MAGI3: variants seen among roughly 807,000 people sequenced by gnomAD.
MAGI3 encodes membrane associated guanylate kinase, WW and PDZ domain containing 3.
A neutral mutation model predicts 121.8 loss-of-function variants in MAGI3; 43 were observed. That is an observed-to-expected ratio of 0.35 (90% CI 0.28 to 0.46). MAGI3 has a LOEUF of 0.46. Among genes scored for constraint, MAGI3 ranks in the 20% least tolerant of loss-of-function variants. The probability of loss-of-function intolerance (pLI) is 1.00; values close to 1 mark genes in which losing one functional copy is unlikely to be tolerated. For missense variants in MAGI3, 1,547 were observed against 1,797.3 expected (o/e 0.86, Z 2.52); for synonymous variants, 553 against 639.3 (o/e 0.86, Z 2.04).
At chr1:113,594,671 G>C (rs1423787937) in intron 6 of MAGI3, 111 bp downstream of exon 6, 1 of 726,230 alleles carries the variant, frequency 1.4e-6, no homozygotes, top group South Asian at 3.1e-5. Flanking sequence ...ATGTACACAA[G>C]CAAAAAAGCA....
At chr1:113,461,123 G>C (rs895427680) in intron 1 of MAGI3, among the ~76,000 whole-genome samples, 3 of 152,152 alleles carry the variant, frequency 2.0e-5, no homozygotes, top group African/African-American at 7.2e-5. Flanking sequence ...CTCATGGATA[G>C]GAAGACCCCA....
intron 6 of MAGI3, among the ~76,000 whole-genome samples, chr1:113,606,002 G>A (rs990250781): frequency 1.3e-5 from 2 of 151,448 alleles, no homozygotes; most frequent in African/African-American, 4.9e-5. Context: ...GTCTCTCTCT[G>A]TCACCCAGGT....
intron 1 of MAGI3, among the ~76,000 whole-genome samples, chr1:113,423,889 C>T (rs1394336155): frequency 1.6e-4 from 18 of 109,518 alleles, no homozygotes; most frequent in South Asian, 9.6e-4. Context: ...ACTGAGGTGG[C>T]GGGTGGGGTG....
chr1:113,641,787 G>A (rs1025417392), intron 9 of MAGI3, 124 bp from the exon 10 acceptor site: 1 of 746,742 alleles, frequency 1.3e-6, no homozygotes, highest in African/African-American at 1.8e-5. Context: ...TATCTTTTCA[G>A]CAGTTAATAG....
At chr1:113,653,803 T>C in intron 14 of MAGI3, 27 bp from the exon 15 acceptor site, 1 of 1,566,018 alleles carries the variant, frequency 6.4e-7, no homozygotes, top group Non-Finnish European at 8.6e-7. Context: ...GTTCCAGACA[T>C]ATCAAAACTG....
intron 1 of MAGI3, among the ~76,000 whole-genome samples, chr1:113,443,459 A>G (rs1322902499): frequency 6.6e-6 from 1 of 152,220 alleles, no homozygotes; most frequent in Non-Finnish European, 1.5e-5. Context: ...AGTAAAAATT[A>G]GCAGACGACT....
At chr1:113,428,153 G>A (rs1653109703) in intron 1 of MAGI3, among the ~76,000 whole-genome samples, 2 of 152,074 alleles carry the variant, frequency 1.3e-5, no homozygotes, top group South Asian at 4.1e-4. Flanking sequence ...TTTTAGTGTA[G>A]TTCAACTTGT....
rs754369817 is a variant in MAGI3 at position 113,619,787 on chromosome 1, G to A, written c.1128G>A (p.Arg376=). The change falls in exon 8 of 21, where the codon AGG becomes AGA. Residue 376 remains arginine (R), a synonymous_variant. Transcript: ENST00000307546. ...QFENPVEEAK[R]KKQLGQVEIG... ...AAAATCCAGTGGAGGAAGCCAAAAGGAAAAAGCAGTTAGGACAGGTTGAAA... is the reference window on the plus strand; with the variant it reads ...AAAATCCAGTGGAGGAAGCCAAAAGAAAAAAGCAGTTAGGACAGGTTGAAA... 20 of 1,612,950 alleles carry A rather than the reference G, an allele frequency of 1.2e-5. No individual in the cohort carries two copies. In the South Asian group the frequency reaches 1.3e-4, roughly 11 times the overall value.
chr1:113,491,058 C>A (rs894802366), intron 1 of MAGI3, among the ~76,000 whole-genome samples: 12 of 151,988 alleles, frequency 7.9e-5, no homozygotes, highest in Non-Finnish European at 1.0e-4. Context: ...CTCTCCACCC[C>A]AAAAAAACAG....
At chr1:113,521,499 G>A (rs1177544912) in intron 1 of MAGI3, among the ~76,000 whole-genome samples, 2 of 150,788 alleles carry the variant, frequency 1.3e-5, no homozygotes, top group Admixed American at 6.6e-5. Context: ...TCTGCCTTCC[G>A]GGTTCATGCC....
chr1:113,465,845 T>G (rs1655256314), intron 1 of MAGI3, among the ~76,000 whole-genome samples: 1 of 152,156 alleles, frequency 6.6e-6, no homozygotes, highest in Non-Finnish European at 1.5e-5. Context: ...GTATGTTGAG[T>G]TTGTATTTTG....
intron 1 of MAGI3, among the ~76,000 whole-genome samples, chr1:113,494,159 T>A (rs560537296): frequency 6.6e-5 from 10 of 152,102 alleles, no homozygotes; most frequent in African/African-American, 1.9e-4. Flanking sequence ...AAAGGAAATA[T>A]ACACCATGGC....
At chr1:113,408,797 A>G (rs1469006279) in intron 1 of MAGI3, among the ~76,000 whole-genome samples, 1 of 152,118 alleles carries the variant, frequency 6.6e-6, no homozygotes, top group Non-Finnish European at 1.5e-5. Context: ...ACTCAGTTAC[A>G]GCCAAAGTAT....
intron 1 of MAGI3, among the ~76,000 whole-genome samples, chr1:113,449,189 A>C (rs1654338437): frequency 1.3e-5 from 2 of 152,178 alleles, no homozygotes; most frequent in Admixed American, 1.3e-4. Context: ...TAAAAAGTTA[A>C]TGAGGACATA....
In MAGI3 at chr1:113,625,858, G is replaced by A. The variant is rs554289809; in HGVS notation, c.1360+2864G>A. On this transcript the variant is annotated intron_variant, in intron 9 of 20. Transcript: ENST00000307546. ...GTATATATGGCTTTTATTATATTGA[G>A]GTATGTTTCTTATATAACCAGTTTT... Among the ~76,000 whole-genome samples the A allele has an allele frequency of 7.2e-5, 11 of 151,982 alleles. No homozygotes were observed. The South Asian group carries it at 2.3e-3, about 32-fold the overall frequency.
intron 1 of MAGI3, among the ~76,000 whole-genome samples, chr1:113,412,551 T>G (rs931897471): frequency 3.3e-5 from 5 of 152,310 alleles, no homozygotes; most frequent in African/African-American, 1.2e-4. Flanking sequence ...CCTGCCTTTT[T>G]AATGATTGCC....
chr1:113,638,295 G>A lies in MAGI3; in HGVS notation c.1361-3616G>A, dbSNP rs534038670. Among the ~76,000 whole-genome samples, 7 of 152,356 alleles carry A rather than the reference G, an allele frequency of 4.6e-5. No individual in the cohort carries two copies. The South Asian group carries it at 1.4e-3, about 32-fold the overall frequency. On this transcript the variant is annotated intron_variant, in intron 9 of 20. Coordinates refer to ENST00000307546, the MANE Select transcript of MAGI3 (RefSeq NM_001142782.2). ...TGAGGAACTGCGTTCCTTTGGAAGAGGAGAGGCGCTCTGCTTTTTAGAGTT... is the reference window on the plus strand; with the variant it reads ...TGAGGAACTGCGTTCCTTTGGAAGAAGAGAGGCGCTCTGCTTTTTAGAGTT...
intron 1 of MAGI3, among the ~76,000 whole-genome samples, chr1:113,431,058 A>AT (rs1296147217): frequency 6.6e-6 from 1 of 152,190 alleles, no homozygotes; most frequent in Non-Finnish European, 1.5e-5. Context: ...ACCACTGGAT[A>AT]ACCTGGGGAC....
chr1:113,628,628 T>C (rs1651398678), intron 9 of MAGI3, among the ~76,000 whole-genome samples: 1 of 152,228 alleles, frequency 6.6e-6, no homozygotes, highest in African/African-American at 2.4e-5. Flanking sequence ...CCTTAGCTTT[T>C]GTTGTCTGGA....
Sources: allele counts gnomAD v4.1 joint callset (sites outside exome capture counted in the v4.1 genomes callset), GRCh38; gene constraint gnomAD v4.1.1; transcripts MANE v1.5; gene names NCBI Gene and HGNC (gene_info 2026-07-23, HGNC 2026-07-21).